Variants in NOL4 observed in about 807,000 individuals in gnomAD.
NOL4 encodes the protein cancer/testis antigen 125.
NOL4 carries 17 observed loss-of-function variants against 75.9 expected under a neutral mutation model. The observed-to-expected ratio is 0.22, with a 90% CI of 0.15 to 0.34. The LOEUF (loss-of-function observed/expected upper bound fraction) is 0.34, where lower values mean the gene tolerates loss of function less well. NOL4 is among the 10% of genes least tolerant of loss of function. NOL4 has a pLI of 1.00. For synonymous variants in NOL4, 292 were observed against 289.9 expected (o/e 1.01, Z -0.07); for missense variants, 614 against 793.5 (o/e 0.77, Z 2.72).
intron 6 of NOL4, among the ~76,000 whole-genome samples, chr18:34,019,109 G>A (rs949100239): frequency 2.0e-5 from 3 of 152,060 alleles, no homozygotes; most frequent in African/African-American, 7.2e-5. Flanking sequence ...AACACCCACA[G>A]CTTTGAGACA....
At chr18:33,877,826 T>TTGTGTG (rs113939972) in intron 10 of NOL4, among the ~76,000 whole-genome samples, 78 of 148,230 alleles carry the variant, frequency 5.3e-4, no homozygotes, top group African/African-American at 1.7e-3. Context: ...TGTTGTGTGA[T>TTGTGTG]TGTGTGTGTG....
intron 6 of NOL4, among the ~76,000 whole-genome samples, chr18:34,014,181 A>T (rs528017365): frequency 6.6e-6 from 1 of 152,104 alleles, no homozygotes; most frequent in East Asian, 1.9e-4. Flanking sequence ...AATATTTTAT[A>T]AACTAACTGG....
chr18:33,985,194 T>G (rs955674321), intron 6 of NOL4, among the ~76,000 whole-genome samples: 13 of 152,122 alleles, frequency 8.5e-5, no homozygotes, highest in Admixed American at 8.5e-4. Flanking sequence ...AAAACTTTCT[T>G]AAAAATTTAA....
At chr18:34,010,761 T>C (rs1031797974) in intron 6 of NOL4, among the ~76,000 whole-genome samples, 16 of 151,886 alleles carry the variant, frequency 1.1e-4, no homozygotes, top group Admixed American at 7.2e-4. Flanking sequence ...CCGGGTGAGA[T>C]CACATCTCAT....
intron 9 of NOL4, among the ~76,000 whole-genome samples, chr18:33,917,887 G>C (rs1304184618): frequency 6.6e-6 from 1 of 152,042 alleles, no homozygotes; most frequent in Non-Finnish European, 1.5e-5. Flanking sequence ...TTTCCTTACT[G>C]GGTTTTCTCA....
At chr18:33,939,887 A>T (rs1407492117) in intron 9 of NOL4, among the ~76,000 whole-genome samples, 2 of 151,752 alleles carry the variant, frequency 1.3e-5, no homozygotes, top group Non-Finnish European at 2.9e-5. Flanking sequence ...TTGCCCATTC[A>T]GAAGGATATG....
At chr18:33,961,305 A>C (rs1188564273) in intron 6 of NOL4, among the ~76,000 whole-genome samples, 2 of 151,952 alleles carry the variant, frequency 1.3e-5, no homozygotes. Flanking sequence ...TGTTCTTCAC[A>C]GTGTGTGTGT....
intron 5 of NOL4, among the ~76,000 whole-genome samples, chr18:34,080,958 A>G (rs556981941): frequency 6.6e-6 from 1 of 152,326 alleles, no homozygotes; most frequent in Non-Finnish European, 1.5e-5. Flanking sequence ...CAAAGTATCT[A>G]GTCTATCTGG....
intron 5 of NOL4, among the ~76,000 whole-genome samples, chr18:34,036,813 A>G (rs2075920612): frequency 6.6e-6 from 1 of 152,106 alleles, no homozygotes; most frequent in African/African-American, 2.4e-5. Flanking sequence ...AATCCCAGCT[A>G]CTCAGGATTA....
At chr18:33,880,979 C>T (rs2064231392) in intron 10 of NOL4, among the ~76,000 whole-genome samples, 1 of 152,036 alleles carries the variant, frequency 6.6e-6, no homozygotes, top group African/African-American at 2.4e-5. Flanking sequence ...CTATTCTCAT[C>T]ACAGTCTATC....
Position 33,946,249 on chromosome 18 carries a change from A to G in NOL4, c.1429-3071T>C, listed in dbSNP as rs535526795. ...TATATCTCAATAATGTGTACCTCCA[A>G]ATAGAAATCCAGTACCATCCTAATT... On this transcript the variant is annotated intron_variant, in intron 8 of 10. Transcript: ENST00000261592. Among the ~76,000 whole-genome samples the G allele has an allele frequency of 4.0e-5, 6 of 151,752 alleles. No individual in the cohort carries two copies. The East Asian group carries it at 1.2e-3, about 29-fold the overall frequency.
At chr18:34,136,882 G>A (rs372145723) in intron 1 of NOL4, among the ~76,000 whole-genome samples, 1 of 151,974 alleles carries the variant, frequency 6.6e-6, no homozygotes, top group Non-Finnish European at 1.5e-5. Context: ...AAAGAAATTC[G>A]GAGTTCATAC....
chr18:34,020,798 T>C (rs971724690), intron 5 of NOL4, among the ~76,000 whole-genome samples: 3 of 152,158 alleles, frequency 2.0e-5, no homozygotes, highest in Non-Finnish European at 4.4e-5. Flanking sequence ...GAAATAACAT[T>C]CTATTTTTCT....
chr18:33,987,725 G>C (rs1356577221), intron 6 of NOL4, among the ~76,000 whole-genome samples: 1 of 152,028 alleles, frequency 6.6e-6, no homozygotes, highest in East Asian at 1.9e-4. Flanking sequence ...TTTATTCCTA[G>C]GTCTCCTGAA....
At position 33,905,358 on chromosome 18, in the gene NOL4, C is replaced by G. The variant is rs562954010; in HGVS notation, c.1543-21934G>C. Among the ~76,000 whole-genome samples the G allele has an allele frequency of 3.7e-4, 56 of 152,234 alleles. 1 individual carries two copies. Among genetic ancestry groups the G allele is most frequent in the Middle Eastern group, 6.8e-3 (2 of 292 alleles). ...TTAGAGGTGCTGCTGAATACCCATT[C>G]ATCAGTTAAACTTGATGGATTAAAG... On this transcript the variant is annotated intron_variant, in intron 9 of 10. Coordinates refer to ENST00000261592, the MANE Select transcript of NOL4 (RefSeq NM_003787.5).
At chr18:34,147,898 T>C (rs1007520886) in intron 1 of NOL4, among the ~76,000 whole-genome samples, 2 of 152,110 alleles carry the variant, frequency 1.3e-5, no homozygotes, top group African/African-American at 4.8e-5. Flanking sequence ...TCAGAACTTG[T>C]TATTGGTCTA....
chr18:34,065,734 A>G (rs2077247723), intron 5 of NOL4, among the ~76,000 whole-genome samples: 1 of 151,980 alleles, frequency 6.6e-6, no homozygotes, highest in East Asian at 1.9e-4. Context: ...TACATAGTAT[A>G]ATAACTTTTA....
chr18:33,955,383 G>T (rs551239345), intron 8 of NOL4, among the ~76,000 whole-genome samples: 2 of 152,052 alleles, frequency 1.3e-5, no homozygotes, highest in East Asian at 3.9e-4. Context: ...GCAAATGATC[G>T]AAAAGTTAAA....
intron 5 of NOL4, among the ~76,000 whole-genome samples, chr18:34,084,458 T>C (rs976327499): frequency 6.6e-6 from 1 of 152,134 alleles, no homozygotes; most frequent in Non-Finnish European, 1.5e-5. Flanking sequence ...AGTCTAAGGG[T>C]TGAGTGCATT....
Sources: allele counts gnomAD v4.1 joint callset (sites outside exome capture counted in the v4.1 genomes callset), GRCh38; gene constraint gnomAD v4.1.1; transcripts MANE v1.5; gene names NCBI Gene and HGNC (gene_info 2026-07-23, HGNC 2026-07-21).